Variants in NBPF8 observed in about 807,000 individuals in gnomAD.
NBPF8 encodes NBPF family member NBPF8.
rs1266124648 is a variant in NBPF8 at position 120,455,968 on chromosome 1, G to A, written n.2620+508G>A. On this transcript the variant is annotated intron_variant and non_coding_transcript_variant, in intron 16 of 24. Transcript: ENST00000583271. The stretch of plus-strand genomic sequence containing the variant: ...TGTCCCAGAGATTCTGGTATGTTGT[G>A]TCTTTTTTCTCATTGGTTTCAAAGA... Among the ~76,000 whole-genome samples the A allele has an allele frequency of 3.3e-3, 495 of 152,066 alleles. 1 individual carries two copies. Among genetic ancestry groups the A allele is most frequent in the South Asian group, 5.6e-3 (27 of 4,810 alleles).
At chr1:120,452,079 C>A (rs1553248914) in intron 12 of NBPF8, 38 bp from the exon 11 acceptor site, 11 of 1,442,242 alleles carry the variant, frequency 7.6e-6, no homozygotes, top group African/African-American at 2.9e-5. Context: ...TCACTCAACC[C>A]TTTCCACTCT....
intron 21 of NBPF8, among the ~76,000 whole-genome samples, chr1:120,463,219 C>A (rs1393642704): frequency 2.1e-5 from 3 of 144,366 alleles, no homozygotes; most frequent in Non-Finnish European, 4.6e-5. Flanking sequence ...GCACATTGGA[C>A]CCAGGCAGAT....
At chr1:120,424,819 C>T (rs1231296109) in intron 1 of NBPF8, among the ~76,000 whole-genome samples, 2 of 133,944 alleles carry the variant, frequency 1.5e-5, no homozygotes, top group Non-Finnish European at 3.2e-5. Context: ...ATAAGAGACT[C>T]CATTTTGTTC....
chr1:120,425,354 C>G (rs1247516909), intron 1 of NBPF8, among the ~76,000 whole-genome samples: 1 of 152,042 alleles, frequency 6.6e-6, no homozygotes, highest in Non-Finnish European at 1.5e-5. Flanking sequence ...GTGGGACATG[C>G]TGGCAGCAAT....
chr1:120,457,669 T>C (rs1325520703), intron 16 of NBPF8, among the ~76,000 whole-genome samples: 1 of 73,662 alleles, frequency 1.4e-5, no homozygotes, highest in African/African-American at 9.9e-5. Context: ...AATGTGGACA[T>C]GTATACATAT....
exon 25 of NBPF8, chr1:120,466,155 G>C (rs1661742499): frequency 1.9e-6 from 3 of 1,609,882 alleles, no homozygotes; most frequent in East Asian, 4.5e-5. Context: ...TGGACAATAG[G>C]TTCTTTACTT....
upstream of NBPF8, chr1:120,432,470 C>T (rs1553247182): frequency 6.2e-5 from 9 of 145,402 alleles, no homozygotes; most frequent in Non-Finnish European, 1.3e-4. Flanking sequence ...CCTGGCCTGC[C>T]ACGTATGGAT....
Position 120,466,225 on chromosome 1 carries a change from G to A in NBPF8, n.3816G>A, listed in dbSNP as rs1452945339. The A allele has an allele frequency of 1.9e-6, 3 of 1,607,952 alleles. No individual in the cohort carries two copies. In the African/African-American group the frequency reaches 4.0e-5, roughly 22 times the overall value. ...GGGAGTCATATTCCCACAATAAGCAGCCCTTACTAAGCCGAGAGGTGTCAT... is the reference window on the plus strand; with the variant it reads ...GGGAGTCATATTCCCACAATAAGCAACCCTTACTAAGCCGAGAGGTGTCAT... On this transcript the variant is annotated non_coding_transcript_exon_variant, in exon 25 of 25. Coordinates refer to ENST00000583271, the Ensembl canonical transcript of NBPF8.
At chr1:120,429,438 A>T (rs1660812004) in intron 3 of NBPF8, among the ~76,000 whole-genome samples, 1 of 152,116 alleles carries the variant, frequency 6.6e-6, no homozygotes, top group Non-Finnish European at 1.5e-5. Flanking sequence ...GCTGGAGGTC[A>T]TGGCGGGAGA....
In NBPF8 at chr1:120,461,384, A is replaced by G. The variant is rs1362869138; in HGVS notation, n.2967A>G. ...CCAGCCCTACAGAAGTGCGTTTTAC[A>G]TATTGGAGCAACAGCGTGTTGGCTT... On this transcript the variant is annotated non_coding_transcript_exon_variant, in exon 19 of 25. Coordinates refer to ENST00000583271, the Ensembl canonical transcript of NBPF8. 25 of 1,037,266 alleles carry G rather than the reference A, an allele frequency of 2.4e-5. 2 individuals carry two copies. In the African/African-American group the frequency reaches 6.1e-4, roughly 25 times the overall value. The allele number at this position is 1,037,266 out of a possible 1,614,324, so 64.3% of individuals were successfully genotyped here. A position where few individuals can be genotyped will look rare whatever the true frequency, so the allele number is the denominator to read the frequency against.
intron 13 of NBPF8, among the ~76,000 whole-genome samples, chr1:120,452,644 G>A (rs1182495040): frequency 1.7e-4 from 21 of 120,512 alleles, no homozygotes; most frequent in Non-Finnish European, 3.2e-4. Context: ...AAGAGCTCTG[G>A]ACTAAGAATG....
At chr1:120,452,149 G>T in exon 13 of NBPF8, 3 of 1,605,162 alleles carry the variant, frequency 1.9e-6, no homozygotes, top group Non-Finnish European at 2.6e-6. Context: ...ACTCAGGAAC[G>T]AGAGCTGACC....
At chr1:120,443,047 T>C in exon 6 of NBPF8, 1 of 365,142 alleles carries the variant, frequency 2.7e-6, no homozygotes, top group East Asian at 6.9e-5. Context: ...ACAGAAGAAA[T>C]ACAGTAAGAT....
upstream of NBPF8, among the ~76,000 whole-genome samples, chr1:120,419,493 T>A (rs1660515397): frequency 1.3e-5 from 2 of 151,954 alleles, no homozygotes; most frequent in Non-Finnish European, 2.9e-5. Flanking sequence ...ACTCTTTATT[T>A]TTTTTTCCCC....
intron 3 of NBPF8, among the ~76,000 whole-genome samples, chr1:120,430,001 C>T (rs1228872473): frequency 1.4e-5 from 2 of 146,902 alleles, no homozygotes; most frequent in African/African-American, 2.5e-5. Flanking sequence ...AAAAACAAAC[C>T]CCAGAAAATG....
chr1:120,453,497 C>G, intron 14 of NBPF8, 53 bp downstream of exon 12: 1 of 996,584 alleles, frequency 1.0e-6, no homozygotes, highest in Non-Finnish European at 1.6e-6. Context: ...TGAGGAATAT[C>G]TAGGAGGCAC....
intron 17 of NBPF8, among the ~76,000 whole-genome samples, chr1:120,460,112 T>G (rs1362549114): frequency 0.013 from 1,925 of 152,296 alleles, 24 homozygotes; most frequent in Non-Finnish European, 0.02. Flanking sequence ...AAAGCCATAA[T>G]AGCTGATGCT....
upstream of NBPF8, among the ~76,000 whole-genome samples, chr1:120,431,622 T>C (rs1419663239): frequency 9.3e-5 from 14 of 150,862 alleles, no homozygotes; most frequent in East Asian, 2.7e-3. Flanking sequence ...TTAAAAAGGC[T>C]GAAAATAGCA....
chr1:120,415,123 C>T (rs1403589896), upstream of NBPF8, among the ~76,000 whole-genome samples: 10 of 152,084 alleles, frequency 6.6e-5, no homozygotes, highest in African/African-American at 2.2e-4. Flanking sequence ...AGGTGAGGGT[C>T]GCGAGGCTGC....
Sources: allele counts gnomAD v4.1 joint callset (sites outside exome capture counted in the v4.1 genomes callset), GRCh38; gene constraint gnomAD v4.1.1; transcripts MANE v1.5; gene names NCBI Gene and HGNC (gene_info 2026-07-23, HGNC 2026-07-21).